The following ELP3 variants were observed in gnomAD, a reference collection of about 807,000 sequenced individuals.
ELP3 encodes the protein elongator complex protein 3.
ELP3 carries 56 observed loss-of-function variants against 74.9 expected under a neutral mutation model. That is an observed-to-expected ratio of 0.75 (90% CI 0.60 to 0.93). The LOEUF is 0.93. Ranked by LOEUF, ELP3 falls within the 40% of genes least tolerant of loss-of-function variation. ELP3 has a pLI of 0.00. For missense variants in ELP3, 573 were observed against 686.5 expected, an observed-to-expected ratio of 0.83 and a Z score of 1.85; for synonymous variants, 222 against 239.8, an observed-to-expected ratio of 0.93 and a Z score of 0.68.
At chr8:28,116,025 G>A (rs1042861363) in intron 7 of ELP3, among the ~76,000 whole-genome samples, 7 of 152,150 alleles carry the variant, frequency 4.6e-5, no homozygotes, top group Admixed American at 6.5e-5. Flanking sequence ...TGTAAGTAAA[G>A]CAGTTCTTGG....
intron 10 of ELP3, 57 bp downstream of exon 10, chr8:28,137,948 T>C: frequency 7.2e-7 from 1 of 1,383,736 alleles, no homozygotes. Flanking sequence ...TTACTATTTC[T>C]CATGGAAATA....
rs200280898 is a variant in ELP3 at position 28,156,092 on chromosome 8, G to A, written c.1191+60G>A. On this transcript the variant is annotated intron_variant, in intron 11 of 14. Transcript: ENST00000256398. ...TGAGAAAAAGAGAAATCTGAAACAC[G>A]AAAGACTTTGCCACTACCACCCCTA... 1.6e-5 allele frequency: 23 copies of A among 1,430,058 alleles called. No homozygotes were observed. The Admixed American group carries it at 2.0e-4, about 12-fold the overall frequency. The allele number at this position is 1,430,058 out of a possible 1,614,324, so 88.6% of individuals were successfully genotyped here.
chr8:28,184,294 T>C (rs1026788023), intron 14 of ELP3, among the ~76,000 whole-genome samples: 58 of 152,294 alleles, frequency 3.8e-4, no homozygotes, highest in African/African-American at 1.3e-3. Flanking sequence ...GAGACAGTGT[T>C]CCATCTCAGG....
chr8:28,101,208 G>A (rs1811468104), intron 3 of ELP3, among the ~76,000 whole-genome samples: 1 of 151,676 alleles, frequency 6.6e-6, no homozygotes, highest in Non-Finnish European at 1.5e-5. Context: ...ACAAGGTCAG[G>A]TCAAGACCAT....
chr8:28,136,253 C>T (rs993466327), intron 9 of ELP3, among the ~76,000 whole-genome samples: 7 of 152,100 alleles, frequency 4.6e-5, no homozygotes, highest in African/African-American at 1.2e-4. Context: ...TGAGCCACTG[C>T]GCCTGGCCCC....
chr8:28,119,257 A>G (rs1812258925), intron 7 of ELP3, among the ~76,000 whole-genome samples: 1 of 152,136 alleles, frequency 6.6e-6, no homozygotes, highest in Non-Finnish European at 1.5e-5. Flanking sequence ...TCACTTTAAG[A>G]GAGTTGATAT....
At position 28,137,800 on chromosome 8, in the gene ELP3, T is replaced by G; in HGVS notation, c.1009T>G (p.Tyr337Asp). 7 of 1,614,136 alleles carry G rather than the reference T, an allele frequency of 4.3e-6. No homozygotes were observed. Among genetic ancestry groups the G allele is most frequent in the Non-Finnish European group, 5.9e-6 (7 of 1,180,016 alleles). The change falls in exon 10 of 15, where the codon TAT becomes GAT. Residue 337 changes from tyrosine to aspartate, a missense_variant. By Grantham distance (160) the Tyr-to-Asp change is radical. Transcript: ENST00000256398. ...GLYELWKSGRYKSYSPSDLVE... is the reference protein window; with the variant it reads ...GLYELWKSGRDKSYSPSDLVE... ...TTATGAGCTTTGGAAATCAGGAAGA[T>G]ATAAGAGTTACTCTCCTAGTGACCT... is the stretch of plus-strand genomic sequence containing the variant.
intron 1 of ELP3, among the ~76,000 whole-genome samples, chr8:28,094,521 C>G (rs1811175066): frequency 6.6e-6 from 1 of 152,146 alleles, no homozygotes; most frequent in Non-Finnish European, 1.5e-5. Context: ...GAATTGGAGA[C>G]CAGCCTGACC....
chr8:28,094,976 A>G lies in ELP3; in HGVS notation c.19+1743A>G, dbSNP rs147618488. 8.0e-4 allele frequency among the ~76,000 whole-genome samples: 122 copies of G among 152,296 alleles called. 1 individual carries two copies. The East Asian group carries it at 0.018, about 23-fold the overall frequency. On this transcript the variant is annotated intron_variant, in intron 1 of 14. Transcript: ENST00000256398. Reference sequence around the variant, plus strand: ...ACGTTACTTTCAACTTTTTATTTCCAAAGTTGAGAATATGCAATTCTTCAC... The same window carrying G: ...ACGTTACTTTCAACTTTTTATTTCCGAAGTTGAGAATATGCAATTCTTCAC...
intron 3 of ELP3, among the ~76,000 whole-genome samples, chr8:28,103,730 TTTAA>T (rs1385198436): frequency 6.6e-6 from 1 of 152,222 alleles, no homozygotes; most frequent in Non-Finnish European, 1.5e-5. Context: ...TTGGATTTTA[TTTAA>T]TTAATTTATT....
At chr8:28,091,196 G>A (rs1279605435), upstream of ELP3, among the ~76,000 whole-genome samples, 1 of 151,942 alleles carries the variant, frequency 6.6e-6, no homozygotes, top group African/African-American at 2.4e-5. Context: ...ATGAGCCACC[G>A]CGCCCGGCCG....
intron 7 of ELP3, among the ~76,000 whole-genome samples, chr8:28,117,600 C>T (rs1384277231): frequency 6.6e-6 from 1 of 152,084 alleles, no homozygotes; most frequent in Admixed American, 6.6e-5. Flanking sequence ...CTCATGAATG[C>T]CTCTTGAGAA....
At chr8:28,188,286 T>C (rs954316748) in intron 14 of ELP3, among the ~76,000 whole-genome samples, 3 of 152,146 alleles carry the variant, frequency 2.0e-5, no homozygotes, top group African/African-American at 7.2e-5. Flanking sequence ...AAAAATATAA[T>C]TTGGTCTCTG....
chr8:28,157,289 C>CA (rs35938340), intron 11 of ELP3, among the ~76,000 whole-genome samples: 46,563 of 106,584 alleles, frequency 0.44, 9,253 homozygotes, highest in East Asian at 0.58. Flanking sequence ...AAAAGCATGC[C>CA]AAAAAAAAAA....
intron 14 of ELP3, among the ~76,000 whole-genome samples, chr8:28,169,696 T>A (rs1814443562): frequency 6.6e-6 from 1 of 152,198 alleles, no homozygotes; most frequent in African/African-American, 2.4e-5. Flanking sequence ...ATGGTTTCTG[T>A]AGATCAGGAA....
intron 3 of ELP3, among the ~76,000 whole-genome samples, chr8:28,106,018 A>T (rs978820246): frequency 6.6e-6 from 1 of 152,250 alleles, no homozygotes; most frequent in African/African-American, 2.4e-5. Context: ...TTAGGTTTAT[A>T]TATAATTTCA....
rs144324589 is a variant in ELP3, at chr8:28,163,887, G to A, written c.1567+1809G>A. ...GCTCTGTCTCAGTGGGCCTGGGTGG[G>A]GCCTGTGCTCCCAGGTGATACCATG... On this transcript the variant is annotated intron_variant, in intron 14 of 14. Transcript: ENST00000256398. Among the ~76,000 whole-genome samples the A allele has an allele frequency of 4.4e-3, 665 of 152,178 alleles. 5 individuals carry two copies. The highest frequency in any genetic ancestry group is 0.015 in the African/African-American group (616 of 41,524).
In ELP3 at chr8:28,154,949, C is replaced by T. The variant is rs148221832; in HGVS notation, c.1101-993C>T. ...CTCCTGGCTTCCAGAGCCTAACAGA[C>T]TTACTTGTATAGCTTTTAAAGCTAA... On this transcript the variant is annotated intron_variant, in intron 10 of 14. Coordinates refer to ENST00000256398, the MANE Select transcript of ELP3 (RefSeq NM_018091.6). Among the ~76,000 whole-genome samples the T allele has an allele frequency of 2.4e-3, 369 of 152,250 alleles. 1 individual carries two copies. Among genetic ancestry groups the T allele is most frequent in the African/African-American group, 8.5e-3 (352 of 41,536 alleles).
upstream of ELP3, chr8:28,090,482 G>GGTGTGGGTGTGTGT (rs1554492429): frequency 3.7e-4 from 60 of 160,312 alleles, no homozygotes; most frequent in African/African-American, 1.5e-3. Context: ...CTGATGGGTG[G>GGTGTGGGTGTGTGT]GTGTGTGTGT....
Sources: gnomAD v4.1 joint callset for allele counts (sites outside exome capture counted in the v4.1 genomes callset) on GRCh38, gnomAD v4.1.1 for gene constraint, MANE v1.5 for transcripts, NCBI Gene and HGNC (gene_info 2026-07-23, HGNC 2026-07-21) for gene names.